The following UVRAG variants were observed in gnomAD, a reference collection of about 807,000 sequenced individuals.
UVRAG encodes UV radiation resistance-associated gene protein.
UVRAG carries 19 observed loss-of-function variants against 78.0 expected under a neutral mutation model. The observed-to-expected ratio is 0.24, with a 90% confidence interval of 0.17 to 0.36. The LOEUF (loss-of-function observed/expected upper bound fraction) is 0.36. UVRAG is among the 10% of genes least tolerant of loss of function. The pLI is 1.00. For missense variants in UVRAG, 740 were observed against 853.8 expected (o/e 0.87, Z 1.66); for synonymous variants, 323 against 324.6 (o/e 1.00, Z 0.05).
chr11:75,878,802 A>G (rs1019594777), intron 3 of UVRAG, among the ~76,000 whole-genome samples: 8 of 148,288 alleles, frequency 5.4e-5, no homozygotes, highest in African/African-American at 1.7e-4. Flanking sequence ...GTGAGCCGAG[A>G]TGGCAGCAGT....
At chr11:75,955,354 A>G (rs1166534264) in intron 6 of UVRAG, among the ~76,000 whole-genome samples, 29 of 152,188 alleles carry the variant, frequency 1.9e-4, no homozygotes, top group Non-Finnish European at 1.0e-4. Flanking sequence ...AGAAATCATC[A>G]ATAAATATCA....
Position 75,961,508 on chromosome 11 carries a change from A to G in UVRAG, c.658A>G (p.Ile220Val). ...AACTGTTCAGAAAATTGGAAAGGAA[A>G]TTGAAGAAAAACTAAGACTCACATC... Reference protein sequence around the residue: ...QVTVQKIGKEIEEKLRLTSTS... With the variant: ...QVTVQKIGKEVEEKLRLTSTS... The change falls in exon 7 of 15, where the codon ATT (isoleucine) becomes GTT (valine). Residue 220 changes from isoleucine to valine, a missense_variant. Ile to Val is a conservative substitution (Grantham distance 29, BLOSUM62 3). Coordinates refer to ENST00000356136, the MANE Select transcript of UVRAG (RefSeq NM_003369.4). 1 of 1,607,704 alleles carries G rather than the reference A, an allele frequency of 6.2e-7. No individual in the cohort carries two copies. The highest frequency in any genetic ancestry group is 1.1e-5 in the South Asian group (1 of 89,470).
chr11:76,076,729 A>G (rs1280182495), intron 13 of UVRAG, among the ~76,000 whole-genome samples: 1 of 152,106 alleles, frequency 6.6e-6, no homozygotes, highest in African/African-American at 2.4e-5. Context: ...TCTTTTATGT[A>G]CTTATTGGCC....
chr11:76,111,424 G>A (rs904232011), intron 13 of UVRAG, among the ~76,000 whole-genome samples: 10 of 152,134 alleles, frequency 6.6e-5, no homozygotes, highest in Non-Finnish European at 1.0e-4. Context: ...TTCCCACTCT[G>A]TGTAGCCCAA....
At chr11:75,842,344 G>A (rs1469819482) in intron 1 of UVRAG, among the ~76,000 whole-genome samples, 1 of 151,996 alleles carries the variant, frequency 6.6e-6, no homozygotes, top group Non-Finnish European at 1.5e-5. Flanking sequence ...TTATTTTGAT[G>A]TGCGTATTTT....
chr11:75,888,382 T>C (rs1204064687), intron 4 of UVRAG, among the ~76,000 whole-genome samples: 1 of 151,918 alleles, frequency 6.6e-6, no homozygotes, highest in Non-Finnish European at 1.5e-5. Context: ...GAGCTTAAGC[T>C]ATCTGCCCAT....
intron 2 of UVRAG, among the ~76,000 whole-genome samples, chr11:75,854,879 G>C (rs1383046473): frequency 6.6e-6 from 1 of 152,136 alleles, no homozygotes; most frequent in Non-Finnish European, 1.5e-5. Context: ...TATATCACTA[G>C]CAATGTATGA....
chr11:75,886,003 G>C (rs967182089), intron 4 of UVRAG, among the ~76,000 whole-genome samples: 1 of 152,068 alleles, frequency 6.6e-6, no homozygotes, highest in Admixed American at 6.6e-5. Flanking sequence ...GGCTGATGAA[G>C]GAATTAAAGT....
In UVRAG at chr11:76,141,739, G is replaced by C. The variant is rs185252773; in HGVS notation, c.*326G>C. ...CCTTGTATGTTATCCTCAGAGGGAAGATGATAATATATAAATAATATAATG... is the reference window on the plus strand; with the variant it reads ...CCTTGTATGTTATCCTCAGAGGGAACATGATAATATATAAATAATATAATG... On this transcript the variant is annotated 3_prime_UTR_variant, in exon 15 of 15. Coordinates refer to ENST00000356136, the MANE Select transcript of UVRAG (RefSeq NM_003369.4). 2.8e-3 allele frequency: 806 copies of C among 288,980 alleles called. 4 individuals are homozygous for C. The highest frequency in any genetic ancestry group is 4.4e-3 in the South Asian group (89 of 20,192). The allele number at this position is 288,980 out of a possible 1,614,324, so 17.9% of individuals were successfully genotyped here.
chr11:75,871,279 G>A (rs1290480750), intron 3 of UVRAG, among the ~76,000 whole-genome samples: 1 of 140,626 alleles, frequency 7.1e-6, no homozygotes, highest in Non-Finnish European at 1.5e-5. Context: ...CATGGCATAT[G>A]CCCTTTTTTT....
intron 13 of UVRAG, among the ~76,000 whole-genome samples, chr11:76,083,855 T>C (rs1951540254): frequency 6.6e-6 from 1 of 152,234 alleles, no homozygotes; most frequent in Non-Finnish European, 1.5e-5. Context: ...TAAACATCAC[T>C]TCATGTTATT....
At chr11:76,118,044 G>T (rs149310243) in intron 14 of UVRAG, among the ~76,000 whole-genome samples, 1 of 152,302 alleles carries the variant, frequency 6.6e-6, no homozygotes, top group East Asian at 1.9e-4. Context: ...ACAGTTTTAT[G>T]ACATTGGGTC....
At chr11:75,848,005 G>A (rs907387122) in intron 1 of UVRAG, among the ~76,000 whole-genome samples, 8 of 149,900 alleles carry the variant, frequency 5.3e-5, no homozygotes, top group South Asian at 2.1e-4. Context: ...TTATTAGCAC[G>A]GGCAACATAG....
At chr11:76,022,020 T>C (rs1042934219) in intron 12 of UVRAG, among the ~76,000 whole-genome samples, 2 of 152,098 alleles carry the variant, frequency 1.3e-5, no homozygotes, top group Non-Finnish European at 2.9e-5. Flanking sequence ...CAGCACTGCA[T>C]TCCAGCCTGG....
At chr11:76,000,747 A>G (rs1323998305) in intron 8 of UVRAG, among the ~76,000 whole-genome samples, 3 of 152,258 alleles carry the variant, frequency 2.0e-5, no homozygotes, top group East Asian at 1.9e-4. Flanking sequence ...GTAGACTTCA[A>G]AACAAGGATT....
At chr11:76,090,091 C>T (rs767005356) in intron 13 of UVRAG, among the ~76,000 whole-genome samples, 10 of 152,154 alleles carry the variant, frequency 6.6e-5, no homozygotes, top group Non-Finnish European at 1.2e-4. Context: ...TGATTTCAAC[C>T]AATCTCCTGA....
chr11:75,962,366 T>C (rs926124380), intron 7 of UVRAG, among the ~76,000 whole-genome samples: 2 of 152,152 alleles, frequency 1.3e-5, no homozygotes, highest in Non-Finnish European at 2.9e-5. Flanking sequence ...GAAAGCTTTT[T>C]GTTGCCTTGA....
intron 14 of UVRAG, among the ~76,000 whole-genome samples, chr11:76,131,296 C>T (rs577375749): frequency 6.6e-6 from 1 of 152,278 alleles, no homozygotes; most frequent in Admixed American, 6.5e-5. Context: ...ATTCCCTGAT[C>T]CCATGGAGCT....
intron 9 of UVRAG, among the ~76,000 whole-genome samples, chr11:76,007,124 T>C (rs1202639463): frequency 6.6e-6 from 1 of 152,140 alleles, no homozygotes; most frequent in Non-Finnish European, 1.5e-5. Context: ...GCAGTCCTTC[T>C]ACATCAGCCT....
Sources: gnomAD v4.1 joint callset for allele counts (sites outside exome capture counted in the v4.1 genomes callset) on GRCh38, gnomAD v4.1.1 for gene constraint, MANE v1.5 for transcripts, NCBI Gene and HGNC (gene_info 2026-07-23, HGNC 2026-07-21) for gene names.